Variants in CDC42BPB observed in about 807,000 individuals in gnomAD.
CDC42BPB encodes CDC42 binding protein kinase beta, also known as serine/threonine-protein kinase MRCK beta.
A neutral mutation model predicts 214.9 loss-of-function variants in CDC42BPB; 37 were observed. The observed-to-expected ratio is 0.17, with a 90% confidence interval of 0.13 to 0.23. The LOEUF (loss-of-function observed/expected upper bound fraction) is 0.23, where lower values mean the gene tolerates loss of function less well. CDC42BPB is among the 10% of genes least tolerant of loss of function. The pLI, the probability that CDC42BPB is intolerant of heterozygous loss-of-function variation, is 1.00. For missense variants in CDC42BPB, 1,694 were observed against 2,227.0 expected (o/e 0.76, Z 4.82); for synonymous variants, 931 against 884.0 (o/e 1.05, Z -0.94).
intron 29 of CDC42BPB, 69 bp downstream of exon 29, chr14:102,945,593 C>G: frequency 5.1e-6 from 7 of 1,375,674 alleles, no homozygotes; most frequent in Non-Finnish European, 6.2e-6. Flanking sequence ...GAGCTACTGA[C>G]CCTGTGCTGT....
intron 1 of CDC42BPB, among the ~76,000 whole-genome samples, chr14:103,033,381 C>T (rs1265441862): frequency 2.6e-5 from 4 of 152,064 alleles, no homozygotes; most frequent in Non-Finnish European, 4.4e-5. Context: ...ACCACCATGC[C>T]CAGCTAATTT....
chr14:103,032,536 A>C (rs1354171597), intron 1 of CDC42BPB, among the ~76,000 whole-genome samples: 1 of 99,136 alleles, frequency 1.0e-5, no homozygotes, highest in Admixed American at 9.6e-5. Flanking sequence ...AATAAACTGC[A>C]AAAAAAAAAA....
At chr14:102,951,778 C>T (rs1461160603) in intron 24 of CDC42BPB, among the ~76,000 whole-genome samples, 1 of 152,096 alleles carries the variant, frequency 6.6e-6, no homozygotes, top group African/African-American at 2.4e-5. Flanking sequence ...CAGAGTCAAA[C>T]TCTTGTCTCG....
intron 1 of CDC42BPB, among the ~76,000 whole-genome samples, chr14:103,032,080 G>C (rs1226731711): frequency 1.3e-5 from 2 of 151,692 alleles, no homozygotes; most frequent in Non-Finnish European, 2.9e-5. Context: ...CCGGCGGCCA[G>C]CCTTGTGGCC....
At chr14:102,942,139 G>C (rs949868879) in intron 30 of CDC42BPB, among the ~76,000 whole-genome samples, 10 of 144,284 alleles carry the variant, frequency 6.9e-5, no homozygotes, top group African/African-American at 2.4e-4. Context: ...CAGGGTGTTG[G>C]GGGGTAAGAG....
chr14:102,982,464 C>T (rs1023354481), intron 7 of CDC42BPB, among the ~76,000 whole-genome samples: 19 of 152,040 alleles, frequency 1.2e-4, no homozygotes, highest in African/African-American at 4.3e-4. Flanking sequence ...AGGGTGAAAT[C>T]GGCATTAGGA....
chr14:103,002,548 G>C (rs139023675), intron 4 of CDC42BPB, among the ~76,000 whole-genome samples: 72 of 152,258 alleles, frequency 4.7e-4, no homozygotes, highest in African/African-American at 1.7e-3. Context: ...AGTTCTTATC[G>C]AAAGTGGAAA....
In CDC42BPB at chr14:102,933,814, A is replaced by T; in HGVS notation, c.5034T>A (p.Thr1678=). ...CGCTGGGGTTGGAGCTATTCGATGG[A>T]GTTGAGTGTTTGGTGGAGTCCGAAT... ...EPDSDSTKHS[T]PSNSSNPSGP... Residue 1678 remains threonine, a synonymous_variant, in exon 37 of 37, where the codon ACT becomes ACA. Transcript: ENST00000361246. The T allele has an allele frequency of 1.3e-6, 2 of 1,518,838 alleles. No homozygotes were observed. Among genetic ancestry groups the T allele is most frequent in the Non-Finnish European group, 1.8e-6 (2 of 1,141,958 alleles). The allele number at this position is 1,518,838 out of a possible 1,614,324, so 94.1% of individuals were successfully genotyped here. A position where few individuals can be genotyped will look rare whatever the true frequency, so the allele number is the denominator to read the frequency against.
At chr14:102,948,710 T>C (rs926220473) in intron 26 of CDC42BPB, among the ~76,000 whole-genome samples, 1 of 18,956 alleles carries the variant, frequency 5.3e-5, no homozygotes, top group Non-Finnish European at 1.0e-4. Context: ...GAGCAGGGGG[T>C]GGGTGTGGAG....
intron 1 of CDC42BPB, among the ~76,000 whole-genome samples, chr14:103,034,413 G>T (rs1887553784): frequency 6.6e-6 from 1 of 152,100 alleles, no homozygotes; most frequent in Non-Finnish European, 1.5e-5. Context: ...ATTTTACTGA[G>T]AATATTTCTC....
In CDC42BPB at chr14:102,933,663, C is replaced by T. The variant is rs1248269306; in HGVS notation, c.*49G>A. ...AGGGCCCGCTCAGTCTTGGCACTGA[C>T]GCTGGAGGCCATCTCCAGCTCCCTG... On this transcript the variant is annotated 3_prime_UTR_variant, in exon 37 of 37. Transcript: ENST00000361246. 8.7e-6 allele frequency: 12 copies of T among 1,384,736 alleles called. No individual in the cohort carries two copies. Among genetic ancestry groups the T allele is most frequent in the African/African-American group, 1.5e-5 (1 of 66,174 alleles). The allele number at this position is 1,384,736 out of a possible 1,614,324, so 85.8% of individuals were successfully genotyped here.
chr14:103,043,143 C>G (rs1440336267), intron 1 of CDC42BPB, among the ~76,000 whole-genome samples: 3 of 152,110 alleles, frequency 2.0e-5, no homozygotes, highest in Non-Finnish European at 4.4e-5. Context: ...ATTTGGGAGG[C>G]TGAGGCAGGA....
At chr14:102,989,600 C>T (rs1894399323) in intron 5 of CDC42BPB, among the ~76,000 whole-genome samples, 1 of 152,158 alleles carries the variant, frequency 6.6e-6, no homozygotes, top group African/African-American at 2.4e-5. Context: ...AGGCCGGGTG[C>T]GATGGCTCAC....
intron 36 of CDC42BPB, chr14:102,937,288 GGCTGGGGGCCT>G (rs1199663640): frequency 6.6e-6 from 1 of 152,596 alleles, no homozygotes; most frequent in African/African-American, 2.4e-5. Context: ...GACAAAGACA[GGCTGGGGGCCT>G]GCTGCAGAAT....
intron 20 of CDC42BPB, 31 bp downstream of exon 20, chr14:102,963,030 A>T (rs1893030616): frequency 2.0e-6 from 2 of 991,418 alleles, no homozygotes; most frequent in African/African-American, 3.2e-5. Flanking sequence ...CTTATATTCA[A>T]ATAATGCAGA....
At chr14:103,041,507 A>G in intron 1 of CDC42BPB, 1 of 1,392,828 alleles carries the variant, frequency 7.2e-7, no homozygotes, top group Non-Finnish European at 1.0e-6. Flanking sequence ...CCCCACTTCC[A>G]CAAGGACTGG....
At chr14:102,980,412 G>C (rs533941948) in intron 8 of CDC42BPB, among the ~76,000 whole-genome samples, 5 of 152,142 alleles carry the variant, frequency 3.3e-5, no homozygotes, top group Non-Finnish European at 7.4e-5. Context: ...AGAATGGCTT[G>C]AAACAGGGAG....
intron 26 of CDC42BPB, 110 bp from the exon 27 acceptor site, chr14:102,947,912 G>A: frequency 6.4e-7 from 1 of 1,568,114 alleles, no homozygotes; most frequent in Non-Finnish European, 8.6e-7. Flanking sequence ...ACCGTGTTCT[G>A]CAGTGGAGGG....
At chr14:102,982,836 G>A (rs562699454) in intron 7 of CDC42BPB, among the ~76,000 whole-genome samples, 234 of 151,788 alleles carry the variant, frequency 1.5e-3, no homozygotes, top group Admixed American at 3.5e-3. Context: ...CCGAGACTGC[G>A]CCACTGTACT....
Sources: gnomAD v4.1 joint callset for allele counts (sites outside exome capture counted in the v4.1 genomes callset) on GRCh38, gnomAD v4.1.1 for gene constraint, MANE v1.5 for transcripts, NCBI Gene and HGNC (gene_info 2026-07-23, HGNC 2026-07-21) for gene names.